VPS13B: variants seen among roughly 807,000 people sequenced by gnomAD.
VPS13B encodes intermembrane lipid transfer protein VPS13B.
Under a neutral mutation model 426.4 loss-of-function variants are expected in VPS13B, and 285 were observed. The ratio of observed to expected loss-of-function variants is 0.67; its 90% CI spans 0.61 to 0.74. The LOEUF is 0.74. VPS13B is among the 30% of genes least tolerant of loss of function. VPS13B has a pLI of 0.00. For missense variants in VPS13B, 4,537 were observed against 4,782.6 expected, an observed-to-expected ratio of 0.95 and a Z score of 1.51; for synonymous variants, 1,676 against 1,676.4, an observed-to-expected ratio of 1.00 and a Z score of 0.01.
chr8:99,663,877 G>A (rs894476440), intron 35 of VPS13B, among the ~76,000 whole-genome samples: 13 of 152,276 alleles, frequency 8.5e-5, no homozygotes, highest in African/African-American at 3.1e-4. Flanking sequence ...TTTGAAAGTT[G>A]ATGGTAAATT....
chr8:99,714,369 C>T (rs1282023017), intron 36 of VPS13B, among the ~76,000 whole-genome samples: 2 of 151,952 alleles, frequency 1.3e-5, no homozygotes, highest in South Asian at 4.2e-4. Flanking sequence ...CCAAAGTGGG[C>T]GCTAGAAGGG....
chr8:99,838,250 ATAGT>A (rs1230791185), intron 54 of VPS13B, among the ~76,000 whole-genome samples: 3 of 152,290 alleles, frequency 2.0e-5, no homozygotes, highest in Non-Finnish European at 2.9e-5. Context: ...CCATGATTTG[ATAGT>A]TAGTGGTAGC....
chr8:99,088,183 CAAAAA>C (rs1326004820), intron 3 of VPS13B, among the ~76,000 whole-genome samples: 1 of 64,838 alleles, frequency 1.5e-5, no homozygotes. Context: ...GACCCTGTCT[CAAAAA>C]AAAAAAAAAA....
chr8:99,105,222 ATATATCGT>A (rs945246314), intron 5 of VPS13B, among the ~76,000 whole-genome samples: 4 of 152,180 alleles, frequency 2.6e-5, no homozygotes, highest in Admixed American at 2.6e-4. Context: ...ATCATTTCTT[ATATATCGT>A]TAATGCCTCC....
chr8:99,575,332 T>C (rs1392843488), intron 31 of VPS13B, among the ~76,000 whole-genome samples: 1 of 152,048 alleles, frequency 6.6e-6, no homozygotes, highest in African/African-American at 2.4e-5. Flanking sequence ...ATAGTAAGAT[T>C]ATTGGTGGTA....
chr8:99,867,113 T>TA (rs1817148350), intron 58 of VPS13B, among the ~76,000 whole-genome samples: 1 of 152,230 alleles, frequency 6.6e-6, no homozygotes, highest in Non-Finnish European at 1.5e-5. Context: ...ATTGACGTGA[T>TA]ATGCACTAAA....
chr8:99,403,342 A>G (rs1424092635), intron 21 of VPS13B, among the ~76,000 whole-genome samples: 4 of 152,144 alleles, frequency 2.6e-5, no homozygotes, highest in Non-Finnish European at 4.4e-5. Flanking sequence ...TGAGGCCAGG[A>G]GTTCAAGACC....
intron 15 of VPS13B, among the ~76,000 whole-genome samples, chr8:99,168,528 T>C (rs981273858): frequency 6.6e-6 from 1 of 152,100 alleles, no homozygotes; most frequent in African/African-American, 2.4e-5. Context: ...TAAAAATGTT[T>C]TGTATTGTTA....
intron 17 of VPS13B, among the ~76,000 whole-genome samples, chr8:99,222,639 A>T (rs1034439771): frequency 9.8e-5 from 15 of 152,320 alleles, no homozygotes; most frequent in African/African-American, 3.6e-4. Flanking sequence ...GAACAGGATG[A>T]CAATTATTCA....
chr8:99,049,567 G>A (rs1277456056), intron 3 of VPS13B, among the ~76,000 whole-genome samples: 2 of 151,432 alleles, frequency 1.3e-5, no homozygotes, highest in South Asian at 2.1e-4. Flanking sequence ...TCTTTAATAG[G>A]TTACCTTGTG....
chr8:99,346,538 T>A (rs3103697), intron 19 of VPS13B: 111,390 of 152,296 alleles, frequency 0.73, 41,348 homozygotes, highest in Middle Eastern at 0.83. Flanking sequence ...TTGGAGATGT[T>A]GTACTGGTGC....
chr8:99,233,358 T>G (rs1300206948), intron 17 of VPS13B: 9 of 1,074,376 alleles, frequency 8.4e-6, no homozygotes, highest in Non-Finnish European at 1.3e-5. Context: ...AGTTTTCTTC[T>G]TTTAGTTTCC....
intron 19 of VPS13B, among the ~76,000 whole-genome samples, chr8:99,334,369 A>G (rs1810704006): frequency 6.6e-6 from 1 of 152,062 alleles, no homozygotes; most frequent in African/African-American, 2.4e-5. Context: ...TCCTTTGTGA[A>G]GTGTCTTAAA....
At chr8:99,418,574 A>T (rs1367130245) in intron 21 of VPS13B, among the ~76,000 whole-genome samples, 4 of 92,910 alleles carry the variant, frequency 4.3e-5, no homozygotes, top group Non-Finnish European at 6.7e-5. Context: ...TTTGACATGG[A>T]TTTTTGCTCT....
intron 35 of VPS13B, among the ~76,000 whole-genome samples, chr8:99,669,829 G>T (rs1036483453): frequency 1.3e-5 from 2 of 152,016 alleles, no homozygotes; most frequent in African/African-American, 4.8e-5. Context: ...TTTGAATACA[G>T]TTTTCTCCTT....
chr8:99,309,688 C>G (rs551917206), intron 19 of VPS13B, among the ~76,000 whole-genome samples: 173 of 152,078 alleles, frequency 1.1e-3, no homozygotes, highest in Non-Finnish European at 2.3e-3. Flanking sequence ...ACCATATGAA[C>G]TTTAAAGTAG....
intron 39 of VPS13B, among the ~76,000 whole-genome samples, chr8:99,732,718 G>A (rs191270582): frequency 2.4e-4 from 36 of 152,332 alleles, no homozygotes; most frequent in Non-Finnish European, 4.4e-4. Context: ...GTTCATTAAC[G>A]AAAGGTCTGC....
At chr8:99,122,094 A>G (rs1847976395) in intron 8 of VPS13B, among the ~76,000 whole-genome samples, 1 of 151,120 alleles carries the variant, frequency 6.6e-6, no homozygotes, top group Non-Finnish European at 1.5e-5. Context: ...CCTAGGCTCA[A>G]GCGTTTTTCC....
At chr8:99,789,142 A>G (rs1812420582) in intron 43 of VPS13B, among the ~76,000 whole-genome samples, 1 of 152,204 alleles carries the variant, frequency 6.6e-6, no homozygotes, top group African/African-American at 2.4e-5. Flanking sequence ...TCATTTGTCT[A>G]AAACGGAAAG....
Sources: allele counts gnomAD v4.1 joint callset (sites outside exome capture counted in the v4.1 genomes callset), GRCh38; gene constraint gnomAD v4.1.1; transcripts MANE v1.5; gene names NCBI Gene and HGNC (gene_info 2026-07-23, HGNC 2026-07-21).